NID1: variants seen among roughly 807,000 people sequenced by gnomAD.
NID1 encodes nidogen 1.
Under a neutral mutation model 130.6 loss-of-function variants are expected in NID1, and 76 were observed. The ratio of observed to expected loss-of-function variants is 0.58; its 90% confidence interval spans 0.48 to 0.70. The LOEUF (loss-of-function observed/expected upper bound fraction) is 0.70, where lower values mean the gene tolerates loss of function less well. NID1 is among the 30% of genes least tolerant of loss of function. NID1 has a pLI of 0.00. For synonymous variants in NID1, 665 were observed against 675.1 expected (o/e 0.98, Z 0.23); for missense variants, 1,517 against 1,664.8 (o/e 0.91, Z 1.54).
intron 12 of NID1, among the ~76,000 whole-genome samples, chr1:236,011,505 G>A (rs1183731192): frequency 2.0e-5 from 3 of 152,148 alleles, no homozygotes; most frequent in Non-Finnish European, 4.4e-5. Context: ...GTTTTGCCAT[G>A]TTGGCCAGGC....
At chr1:236,005,394 G>A (rs1326695681) in intron 12 of NID1, among the ~76,000 whole-genome samples, 3 of 151,942 alleles carry the variant, frequency 2.0e-5, no homozygotes, top group Admixed American at 6.6e-5. Context: ...AATAACACAC[G>A]ATCGTAATTT....
At position 236,042,622 on chromosome 1, in the gene NID1, T is replaced by C. The variant is rs542278284; in HGVS notation, c.753-330A>G. ...TGGTTACATGCTCTACCTTATGAGC[T>C]AAGGTGGCTCATAGGACTGACAGTG... On this transcript the variant is annotated intron_variant, in intron 3 of 19. Transcript: ENST00000264187. Among the ~76,000 whole-genome samples the C allele has an allele frequency of 1.8e-3, 277 of 152,372 alleles. 2 individuals carry two copies. The highest frequency in any genetic ancestry group is 6.4e-3 in the African/African-American group (268 of 41,590).
chr1:236,047,225 T>C (rs1340522528), intron 2 of NID1, among the ~76,000 whole-genome samples: 1 of 152,244 alleles, frequency 6.6e-6, no homozygotes, highest in South Asian at 2.1e-4. Context: ...GATATAGTTT[T>C]AGCATTTCCC....
At position 235,977,217 on chromosome 1, in the gene NID1, T is replaced by C. The variant is rs906475611; in HGVS notation, c.*650A>G. 1.3e-5 allele frequency: 2 copies of C among 152,216 alleles called. No individual in the cohort carries two copies. Among genetic ancestry groups the C allele is most frequent in the Non-Finnish European group, 2.9e-5 (2 of 68,076 alleles). 9.4% of individuals were successfully genotyped at this position (152,216 alleles called of 1,614,324 possible). On this transcript the variant is annotated 3_prime_UTR_variant, in exon 20 of 20. Transcript: ENST00000264187. ...CATTCTATCTGGGAGGGGCTGCTCA[T>C]TATCATCCACCAAATGCCCATAGAT...
intron 3 of NID1, among the ~76,000 whole-genome samples, chr1:236,043,705 G>A (rs1028162604): frequency 6.6e-6 from 1 of 152,136 alleles, no homozygotes; most frequent in Non-Finnish European, 1.5e-5. Context: ...CGCTGAAGCA[G>A]GAGAATGGCG....
chr1:236,055,748 A>G (rs1283712108), intron 1 of NID1, among the ~76,000 whole-genome samples: 1 of 152,154 alleles, frequency 6.6e-6, no homozygotes, highest in Non-Finnish European at 1.5e-5. Flanking sequence ...ATAAGCCAAG[A>G]CTAACGTTCT....
intron 15 of NID1, among the ~76,000 whole-genome samples, chr1:235,983,511 T>A (rs1484353991): frequency 1.3e-5 from 2 of 152,116 alleles, no homozygotes; most frequent in East Asian, 3.9e-4. Context: ...AATGAGCACA[T>A]CCTGTGTGAG....
chr1:235,981,809 A>T (rs1558419977), intron 15 of NID1, 27 bp from the exon 16 acceptor site: 1 of 1,559,702 alleles, frequency 6.4e-7, no homozygotes, highest in Non-Finnish European at 8.7e-7. Context: ...AGCTCCTCTA[A>T]TTTTTTTTGT....
chr1:235,981,905 G>T, intron 15 of NID1, 123 bp from the exon 16 acceptor site: 1 of 851,776 alleles, frequency 1.2e-6, no homozygotes, highest in Non-Finnish European at 1.8e-6. Flanking sequence ...GAAACCAAAT[G>T]GGAATGTGAA....
chr1:235,997,744 C>T (rs1456621055), intron 12 of NID1, among the ~76,000 whole-genome samples: 1 of 151,854 alleles, frequency 6.6e-6, no homozygotes, highest in African/African-American at 2.4e-5. Flanking sequence ...GTAGCTGAGA[C>T]TACAGGTGCC....
intron 11 of NID1, 140 bp from the exon 12 acceptor site, chr1:236,012,183 T>C: frequency 1.0e-6 from 1 of 986,802 alleles, no homozygotes; most frequent in Non-Finnish European, 1.5e-6. Context: ...CACTAAACAT[T>C]AACTATCAAG....
At chr1:236,064,795 G>C (rs752260302) in intron 1 of NID1, 60 bp downstream of exon 1, 5 of 1,505,604 alleles carry the variant, frequency 3.3e-6, no homozygotes, top group East Asian at 2.5e-5. Context: ...CCGGCTCCAC[G>C]GGCGCCCCCG....
At chr1:236,062,586 A>G (rs1428128995) in intron 1 of NID1, among the ~76,000 whole-genome samples, 2 of 147,206 alleles carry the variant, frequency 1.4e-5, no homozygotes, top group African/African-American at 5.0e-5. Flanking sequence ...GTGAGCTAAG[A>G]TTGAGCCACT....
Position 236,017,285 on chromosome 1 carries a change from A to T in NID1, c.2129-12T>A, listed in dbSNP as rs183698064. Reference sequence around the variant, plus strand: ...ACATTCATCAATATCTGCAGCAAAAATTTTTTTTTACTGCAGGCTTTTTTT... The same window carrying T: ...ACATTCATCAATATCTGCAGCAAAATTTTTTTTTTACTGCAGGCTTTTTTT... On this transcript the variant is annotated splice_polypyrimidine_tract_variant and intron_variant, in intron 9 of 19. Transcript: ENST00000264187. The T allele has an allele frequency of 4.8e-3, 7,618 of 1,600,722 alleles. 249 individuals are homozygous for T. In the African/African-American group the frequency reaches 0.085, roughly 18 times the overall value.
chr1:236,024,936 C>G (rs532050311), intron 8 of NID1, among the ~76,000 whole-genome samples: 6 of 152,162 alleles, frequency 3.9e-5, no homozygotes, highest in African/African-American at 1.4e-4. Flanking sequence ...TCCTCAGGCA[C>G]TAACCACACA....
At chr1:236,043,046 A>C (rs1423323314) in intron 3 of NID1, among the ~76,000 whole-genome samples, 3 of 152,190 alleles carry the variant, frequency 2.0e-5, no homozygotes. Flanking sequence ...TTCTGGGTTG[A>C]ACACATCAAG....
At chr1:236,008,982 G>A (rs1658330318) in intron 12 of NID1, among the ~76,000 whole-genome samples, 1 of 152,160 alleles carries the variant, frequency 6.6e-6, no homozygotes, top group Non-Finnish European at 1.5e-5. Flanking sequence ...AAGTATTTTA[G>A]TCATATACAA....
At chr1:236,034,625 A>C (rs1164009310) in intron 5 of NID1, among the ~76,000 whole-genome samples, 1 of 152,174 alleles carries the variant, frequency 6.6e-6, no homozygotes, top group Non-Finnish European at 1.5e-5. Context: ...AGGGCTTGAC[A>C]GCGGCTGGGG....
Position 236,003,096 on chromosome 1 carries a change from AGTGAACGACTG to A in NID1, c.2527+8814_2527+8824del, listed in dbSNP as rs1431737074. Among the ~76,000 whole-genome samples the A allele has an allele frequency of 3.7e-4, 55 of 149,956 alleles. 4 individuals carry two copies. The highest frequency in any genetic ancestry group is 5.6e-4 in the Non-Finnish European group (38 of 67,294). Reference sequence around the variant, plus strand: ...TGAACGAGTGGTAGTTGTCACTCCTAGTGAACGACTGGTAGTTGTCACTCCTAGTGAACGAC... The same window carrying A: ...TGAACGAGTGGTAGTTGTCACTCCTAGTAGTTGTCACTCCTAGTGAACGAC... On this transcript the variant is annotated intron_variant, in intron 12 of 19. Transcript: ENST00000264187.
Sources: gnomAD v4.1 joint callset for allele counts (sites outside exome capture counted in the v4.1 genomes callset) on GRCh38, gnomAD v4.1.1 for gene constraint, MANE v1.5 for transcripts, NCBI Gene and HGNC (gene_info 2026-07-23, HGNC 2026-07-21) for gene names.